The following DTNA variants were observed in gnomAD, a reference collection of about 807,000 sequenced individuals.
DTNA encodes dystrobrevin alpha.
Under a neutral mutation model 100.7 loss-of-function variants are expected in DTNA, and 43 were observed. The ratio of observed to expected loss-of-function variants is 0.43; its 90% confidence interval spans 0.33 to 0.55. The LOEUF is 0.55. DTNA is among the 20% of genes least tolerant of loss of function. DTNA has a pLI of 0.04. For missense variants in DTNA, 798 were observed against 953.9 expected (o/e 0.84, Z 2.15); for synonymous variants, 349 against 347.9 (o/e 1.00, Z -0.04).
chr18:34,651,268 C>A (rs1380910374), intron 1 of DTNA, among the ~76,000 whole-genome samples: 1 of 152,262 alleles, frequency 6.6e-6, no homozygotes, highest in African/African-American at 2.4e-5. Context: ...ATATCATTTA[C>A]TTATTAGCAA....
At chr18:34,867,297 T>C in intron 17 of DTNA, 1 of 1,231,178 alleles carries the variant, frequency 8.1e-7, no homozygotes, top group Non-Finnish European at 1.0e-6. Flanking sequence ...AAGTGTAAAA[T>C]CAATCTGTAA....
intron 1 of DTNA, among the ~76,000 whole-genome samples, chr18:34,701,368 A>G (rs913738005): frequency 6.6e-6 from 1 of 152,048 alleles, no homozygotes; most frequent in African/African-American, 2.4e-5. Flanking sequence ...TCAACTCAAG[A>G]ATCACCTGTT....
At chr18:34,753,717 C>T (rs1033220617) in intron 1 of DTNA, among the ~76,000 whole-genome samples, 6 of 152,148 alleles carry the variant, frequency 3.9e-5, no homozygotes, top group Non-Finnish European at 8.8e-5. Flanking sequence ...TCATCTCATT[C>T]TAACACACAG....
chr18:34,820,966 T>C, intron 9 of DTNA, 51 bp downstream of exon 9: 1 of 1,613,514 alleles, frequency 6.2e-7, no homozygotes, highest in Non-Finnish European at 8.5e-7. Flanking sequence ...CAAGGGCACA[T>C]GTCTGGAGCC....
intron 9 of DTNA, chr18:34,825,211 G>A (rs532956104): frequency 6.2e-7 from 1 of 1,611,298 alleles, no homozygotes; most frequent in South Asian, 1.1e-5. Context: ...TGTATTGCTT[G>A]TAAATATTAC....
chr18:34,867,725 C>T (rs2096721442), intron 17 of DTNA: 4 of 985,514 alleles, frequency 4.1e-6, no homozygotes, highest in Admixed American at 6.2e-5. Context: ...TCTTGAAAGG[C>T]TCCTATGGAC....
chr18:34,648,505 T>G (rs964938648), intron 1 of DTNA, among the ~76,000 whole-genome samples: 3 of 152,170 alleles, frequency 2.0e-5, no homozygotes, highest in African/African-American at 4.8e-5. Context: ...AAATACATTT[T>G]GTAGATAAAG....
chr18:34,733,512 G>T (rs2088813411), intron 1 of DTNA, among the ~76,000 whole-genome samples: 1 of 152,142 alleles, frequency 6.6e-6, no homozygotes, highest in Non-Finnish European at 1.5e-5. Flanking sequence ...ATGGTTGAGT[G>T]CCAACTTGGA....
At chr18:34,884,676 A>C in intron 21 of DTNA, 52 bp from the exon 22 acceptor site, 1 of 1,602,616 alleles carries the variant, frequency 6.2e-7, no homozygotes, top group Non-Finnish European at 8.6e-7. Flanking sequence ...GCTTGACTGC[A>C]TCACAGACTT....
intron 1 of DTNA, among the ~76,000 whole-genome samples, chr18:34,680,635 G>C (rs559222614): frequency 6.6e-6 from 1 of 152,222 alleles, no homozygotes. Context: ...ACTTACAGGT[G>C]TATAAATTTG....
At chr18:34,835,061 A>G (rs558903023) in intron 11 of DTNA, among the ~76,000 whole-genome samples, 1 of 152,320 alleles carries the variant, frequency 6.6e-6, no homozygotes, top group Admixed American at 6.5e-5. Context: ...TCATTTTGAA[A>G]GAGTGGCTAT....
chr18:34,580,428 C>T (rs2048503571), intron 1 of DTNA, among the ~76,000 whole-genome samples: 1 of 152,016 alleles, frequency 6.6e-6, no homozygotes, highest in Non-Finnish European at 1.5e-5. Context: ...AATATTTACT[C>T]CCATAAAATG....
chr18:34,879,455 C>A, intron 19 of DTNA, 96 bp from the exon 20 acceptor site: 1 of 1,240,064 alleles, frequency 8.1e-7, no homozygotes, highest in Non-Finnish European at 1.2e-6. Flanking sequence ...TAACATTTTA[C>A]ACAGCACAGG....
intron 1 of DTNA, among the ~76,000 whole-genome samples, chr18:34,633,536 A>G (rs1391965918): frequency 6.6e-6 from 1 of 152,152 alleles, no homozygotes; most frequent in African/African-American, 2.4e-5. Context: ...AAGCAGAGAA[A>G]CAGAAAAGCA....
intron 3 of DTNA, among the ~76,000 whole-genome samples, chr18:34,777,230 T>C (rs1410709671): frequency 2.6e-5 from 4 of 152,244 alleles, no homozygotes; most frequent in Admixed American, 6.5e-5. Context: ...TGTACTGACA[T>C]ATCCCCCATA....
chr18:34,786,690 G>C (rs2094521739), intron 3 of DTNA, among the ~76,000 whole-genome samples: 1 of 152,058 alleles, frequency 6.6e-6, no homozygotes, highest in Non-Finnish European at 1.5e-5. Flanking sequence ...CCCAATAGCA[G>C]ATCAACAGAT....
intron 1 of DTNA, among the ~76,000 whole-genome samples, chr18:34,673,594 A>G (rs2077037420): frequency 6.6e-6 from 1 of 151,918 alleles, no homozygotes; most frequent in African/African-American, 2.4e-5. Context: ...TTTTCTCAGC[A>G]CCTTTAAAAC....
intron 1 of DTNA, among the ~76,000 whole-genome samples, chr18:34,531,349 C>T (rs1347553387): frequency 2.6e-5 from 4 of 152,110 alleles, no homozygotes; most frequent in African/African-American, 9.7e-5. Context: ...TTCCTTATCT[C>T]TCTCATAGAT....
At chr18:34,813,194 G>T (rs575888515) in intron 6 of DTNA, among the ~76,000 whole-genome samples, 4 of 152,232 alleles carry the variant, frequency 2.6e-5, no homozygotes, top group South Asian at 4.1e-4. Flanking sequence ...AATGCCTCTT[G>T]ACTGGGTGTG....
Sources: allele counts gnomAD v4.1 joint callset (sites outside exome capture counted in the v4.1 genomes callset), GRCh38; gene constraint gnomAD v4.1.1; transcripts MANE v1.5; gene names NCBI Gene and HGNC (gene_info 2026-07-23, HGNC 2026-07-21).